Variants in SH3PXD2B observed in about 807,000 individuals in gnomAD.
The protein encoded by SH3PXD2B is SH3 and PX domains 2B, also known as SH3 and PX domain-containing protein 2B.
SH3PXD2B carries 37 observed loss-of-function variants against 73.1 expected under a neutral mutation model. The observed-to-expected ratio is 0.51, with a 90% confidence interval of 0.39 to 0.67. The LOEUF (loss-of-function observed/expected upper bound fraction) is 0.67. SH3PXD2B is among the 30% of genes least tolerant of loss of function. SH3PXD2B has a pLI of 0.00. For synonymous variants in SH3PXD2B, 457 were observed against 480.5 expected (o/e 0.95, Z 0.64); for missense variants, 1,053 against 1,197.8 (o/e 0.88, Z 1.78).
intron 3 of SH3PXD2B, among the ~76,000 whole-genome samples, chr5:172,402,762 A>G (rs1758450127): frequency 6.6e-6 from 1 of 152,328 alleles, no homozygotes; most frequent in South Asian, 2.1e-4. Context: ...AGCTCTTAGA[A>G]GCTGTCTCCA....
chr5:172,347,221 A>G (rs947764904), intron 11 of SH3PXD2B, 62 bp downstream of exon 11: 2 of 1,489,680 alleles, frequency 1.3e-6, no homozygotes, highest in Non-Finnish European at 1.9e-6. Flanking sequence ...GTGAGGGGCT[A>G]GTGGACACCC....
chr5:172,373,839 G>T (rs1757763854), intron 5 of SH3PXD2B, 24 bp from the exon 6 acceptor site: 8 of 1,613,754 alleles, frequency 5.0e-6, no homozygotes, highest in Non-Finnish European at 6.8e-6. Context: ...AAAGGGGGTG[G>T]GAAGAGTAAC....
chr5:172,393,132 T>C (rs1461740179), intron 4 of SH3PXD2B, among the ~76,000 whole-genome samples: 3 of 152,238 alleles, frequency 2.0e-5, no homozygotes, highest in Non-Finnish European at 2.9e-5. Context: ...AGGGATTGTA[T>C]TGAATATGTA....
intron 6 of SH3PXD2B, among the ~76,000 whole-genome samples, chr5:172,364,746 A>G (rs937519480): frequency 6.6e-6 from 1 of 152,216 alleles, no homozygotes; most frequent in Non-Finnish European, 1.5e-5. Context: ...CAGCCAGCGC[A>G]CAGAGCTGAC....
At chr5:172,453,038 A>C (rs1759834210) in intron 1 of SH3PXD2B, among the ~76,000 whole-genome samples, 1 of 151,888 alleles carries the variant, frequency 6.6e-6, no homozygotes, top group Non-Finnish European at 1.5e-5. Context: ...GAGAGCGCGG[A>C]GTGGGTTCCC....
At chr5:172,409,631 G>A (rs772575928) in intron 2 of SH3PXD2B, among the ~76,000 whole-genome samples, 34 of 152,136 alleles carry the variant, frequency 2.2e-4, no homozygotes, top group Non-Finnish European at 3.8e-4. Context: ...CATCTATGTT[G>A]CTGCAAATGA....
At position 172,335,850 on chromosome 5, in the gene SH3PXD2B, A is replaced by G. The variant is rs1756678673; in HGVS notation, c.*2519T>C. ...ATACAGACGTCCTCAGGCCATAGAT[A>G]TGACTCAAGGAGAGAACAGTGAACA... is the stretch of plus-strand genomic sequence containing the variant. On this transcript the variant is annotated 3_prime_UTR_variant, in exon 13 of 13. Coordinates refer to ENST00000311601, the MANE Select transcript of SH3PXD2B (RefSeq NM_001017995.3). 2 of 1,226,862 alleles carry G rather than the reference A, an allele frequency of 1.6e-6. No homozygotes were observed. Among genetic ancestry groups the G allele is most frequent in the Admixed American group, 4.3e-5 (1 of 23,528 alleles). The allele number at this position is 1,226,862 out of a possible 1,614,324, so 76.0% of individuals were successfully genotyped here. A position where few individuals can be genotyped will look rare whatever the true frequency, so the allele number is the denominator to read the frequency against.
At position 172,339,761 on chromosome 5, in the gene SH3PXD2B, C is replaced by A. The variant is rs1190874408; in HGVS notation, c.1344G>T (p.Arg448=). Residue 448 remains arginine (R), a synonymous_variant, in exon 13 of 13, where the codon CGG becomes CGT. Coordinates refer to ENST00000311601, the MANE Select transcript of SH3PXD2B (RefSeq NM_001017995.3). The surrounding 1 kb of genome is among the most constrained non-coding windows in gnomAD (Gnocchi z 6.1). ...APLPHEVTQL[R]LGEAAALENN... is the part of the protein sequence containing the mutation. ...TCTCCAGCGCTGCTGCTTCCCCCAGCCGGAGCTGGGTCACCTCGTGGGGCA... is the reference window on the plus strand; with the variant it reads ...TCTCCAGCGCTGCTGCTTCCCCCAGACGGAGCTGGGTCACCTCGTGGGGCA... 3 of 1,613,210 alleles carry A rather than the reference C, an allele frequency of 1.9e-6. No homozygotes were observed. The Admixed American group carries it at 5.0e-5, about 27-fold the overall frequency.
chr5:172,329,540 C>T (rs200901405), downstream of SH3PXD2B, among the ~76,000 whole-genome samples: 107 of 106,394 alleles, frequency 1.0e-3, 2 homozygotes, highest in African/African-American at 2.1e-3. Context: ...CTTTGTTATT[C>T]TTTTTTTTTT....
chr5:172,396,244 T>C (rs919287433), intron 3 of SH3PXD2B, among the ~76,000 whole-genome samples: 1 of 145,804 alleles, frequency 6.9e-6, no homozygotes, highest in African/African-American at 2.5e-5. Flanking sequence ...TGTGGTAGCA[T>C]GTGCCTGTAG....
intron 9 of SH3PXD2B, 70 bp from the exon 10 acceptor site, chr5:172,350,659 GGGAAT>G: frequency 6.8e-7 from 1 of 1,469,014 alleles, no homozygotes. Context: ...TGCTCCTACT[GGGAAT>G]CACATGACAG....
At chr5:172,427,584 C>T (rs936956243) in intron 1 of SH3PXD2B, among the ~76,000 whole-genome samples, 8 of 152,116 alleles carry the variant, frequency 5.3e-5, no homozygotes, top group African/African-American at 1.7e-4. Flanking sequence ...ACTCCTGGCT[C>T]GAGTGATCTT....
At chr5:172,383,905 G>T (rs2731723) in intron 4 of SH3PXD2B, among the ~76,000 whole-genome samples, 3 of 150,320 alleles carry the variant, frequency 2.0e-5, no homozygotes, top group Non-Finnish European at 3.0e-5. Flanking sequence ...GGAGTGCTGT[G>T]GTGCTATCTT....
intron 8 of SH3PXD2B, among the ~76,000 whole-genome samples, chr5:172,358,306 G>A (rs2113309662): frequency 6.6e-6 from 1 of 152,360 alleles, no homozygotes; most frequent in South Asian, 2.1e-4. Context: ...GGTTCTCTGG[G>A]AAACAACGGA....
rs1214163840 is a variant in SH3PXD2B, at chr5:172,346,116, G to A, written c.1188+20C>T. 2.2e-5 allele frequency: 36 copies of A among 1,613,746 alleles called. No individual in the cohort carries two copies. Among genetic ancestry groups the A allele is most frequent in the Non-Finnish European group, 3.1e-5 (36 of 1,179,910 alleles). ...GAATCAGGAATCACAAGTAGGCAAA[G>A]GAACACCAGGGCCACTCACCTCGAC... On this transcript the variant is annotated intron_variant, in intron 12 of 12. Transcript: ENST00000311601.
chr5:172,337,986 T>A lies in SH3PXD2B; in HGVS notation c.*383A>T, dbSNP rs1270017625. On this transcript the variant is annotated 3_prime_UTR_variant, in exon 13 of 13. Transcript: ENST00000311601. The stretch of plus-strand genomic sequence containing the variant: ...GGGTTGGCTGCCCCTTACTGTGCCA[T>A]GTCCAAGCCATGAGAGACCCTTGCT... 1 of 1,151,134 alleles carries A rather than the reference T, an allele frequency of 8.7e-7. No individual in the cohort carries two copies. The highest frequency in any genetic ancestry group is 1.6e-5 in the African/African-American group (1 of 62,670). 71.3% of individuals were successfully genotyped at this position (1,151,134 alleles called of 1,614,324 possible).
chr5:172,329,032 CGTAT>C (rs1414091106), downstream of SH3PXD2B, among the ~76,000 whole-genome samples: 2 of 66,908 alleles, frequency 3.0e-5, no homozygotes, highest in East Asian at 9.0e-4. Context: ...TATACATATA[CGTAT>C]ATATATGTAT....
intron 1 of SH3PXD2B, among the ~76,000 whole-genome samples, 167 bp downstream of exon 1, chr5:172,454,111 G>A (rs1759869441): frequency 7.2e-6 from 1 of 138,060 alleles, no homozygotes; most frequent in Non-Finnish European, 1.6e-5. Flanking sequence ...GGGAGGGAGG[G>A]AGGAGGAGTC....
rs183637360 is a variant in SH3PXD2B, at chr5:172,441,936, C to T, written c.75+12342G>A. On this transcript the variant is annotated intron_variant, in intron 1 of 12. Coordinates refer to ENST00000311601, the MANE Select transcript of SH3PXD2B (RefSeq NM_001017995.3). ...TCCTGGACCCCTCCCTTGTTGGGCTCCTAATCTGCCAGAGACTAATCCCTG... is the reference window on the plus strand; with the variant it reads ...TCCTGGACCCCTCCCTTGTTGGGCTTCTAATCTGCCAGAGACTAATCCCTG... 3.3e-5 allele frequency among the ~76,000 whole-genome samples: 5 copies of T among 152,268 alleles called. No individual in the cohort carries two copies. The East Asian group carries it at 9.7e-4, about 29-fold the overall frequency.
Sources: allele counts gnomAD v4.1 joint callset (sites outside exome capture counted in the v4.1 genomes callset), GRCh38; gene constraint gnomAD v4.1.1; non-coding constraint Gnocchi (gnomAD v3.1); transcripts MANE v1.5; gene names NCBI Gene and HGNC (gene_info 2026-07-23, HGNC 2026-07-21).